The following AKR1C8 variants were observed in gnomAD, a reference collection of about 807,000 sequenced individuals.
AKR1C8 encodes aldo-keto reductase family 1 member C8, also known as aldo-keto reductase family 1 member C-like protein 1.
At chr10:5,156,438 C>T in the AKR1C8 span, among the ~76,000 whole-genome samples, 1 of 148,436 alleles carries the variant, frequency 6.7e-6, no homozygotes, top group Non-Finnish European at 1.5e-5. Context: ...ATGAGGAGCC[C>T]ATTAATAGTA....
chr10:5,161,684 G>A, the AKR1C8 span: 1 of 532,812 alleles, frequency 1.9e-6, no homozygotes, highest in South Asian at 1.4e-5. Context: ...CTTGATGGTA[G>A]AGTCACTCAA....
At chr10:5,141,202 C>T in the AKR1C8 span, among the ~76,000 whole-genome samples, 11 of 152,228 alleles carry the variant, frequency 7.2e-5, no homozygotes, top group Non-Finnish European at 1.2e-4. Context: ...CCAAGAACAA[C>T]TTTTTGTGCA....
At chr10:5,116,821 C>T in the AKR1C8 span, among the ~76,000 whole-genome samples, 1 of 152,164 alleles carries the variant, frequency 6.6e-6, no homozygotes, top group African/African-American at 2.4e-5. Flanking sequence ...GCGTATCATG[C>T]AGAACCATCT....
At chr10:5,120,456 G>A in the AKR1C8 span, among the ~76,000 whole-genome samples, 2 of 152,078 alleles carry the variant, frequency 1.3e-5, no homozygotes. Context: ...TTGTTATTCA[G>A]TAATAGTAGT....
the AKR1C8 span, chr10:5,161,898 G>A: frequency 1.9e-6 from 1 of 534,596 alleles, no homozygotes; most frequent in Non-Finnish European, 3.8e-6. Context: ...GATCTACATA[G>A]TCCGGTCCAA....
At chr10:5,125,209 T>G in the AKR1C8 span, among the ~76,000 whole-genome samples, 1 of 152,180 alleles carries the variant, frequency 6.6e-6, no homozygotes, top group African/African-American at 2.4e-5. Context: ...TTTTTTCATC[T>G]GCTGTTTATG....
At chr10:5,155,028 A>G in the AKR1C8 span, 4 of 152,162 alleles carry the variant, frequency 2.6e-5, no homozygotes, top group Non-Finnish European at 4.4e-5. Context: ...TAATCTCATA[A>G]TTCATTCACA....
At chr10:5,155,493 A>G in the AKR1C8 span, 242 of 289,282 alleles carry the variant, frequency 8.4e-4, no homozygotes, top group African/African-American at 4.5e-3. Context: ...TTACAGACAC[A>G]TTTCTGCTGG....
chr10:5,121,897 C>G, the AKR1C8 span, among the ~76,000 whole-genome samples: 3 of 152,100 alleles, frequency 2.0e-5, no homozygotes, highest in Non-Finnish European at 4.4e-5. Context: ...GTGTTACTTA[C>G]AGACCAACAT....
At chr10:5,121,837 G>A in the AKR1C8 span, among the ~76,000 whole-genome samples, 1 of 152,080 alleles carries the variant, frequency 6.6e-6, no homozygotes, top group Non-Finnish European at 1.5e-5. Flanking sequence ...CCCAGGCACA[G>A]GTAGTGAGGG....
At chr10:5,138,673 T>C in the AKR1C8 span, among the ~76,000 whole-genome samples, 2 of 151,460 alleles carry the variant, frequency 1.3e-5, no homozygotes, top group Admixed American at 6.6e-5. Flanking sequence ...AACTGATAAA[T>C]GTCCATTAAA....
the AKR1C8 span, among the ~76,000 whole-genome samples, chr10:5,167,565 A>G: frequency 6.6e-6 from 1 of 152,216 alleles, no homozygotes; most frequent in Admixed American, 6.5e-5. Context: ...GTTCTCACTC[A>G]TAGGTGGGAA....
chr10:5,175,264 T>G, the AKR1C8 span, among the ~76,000 whole-genome samples: 1 of 152,086 alleles, frequency 6.6e-6, no homozygotes, highest in Non-Finnish European at 1.5e-5. Flanking sequence ...CTGAGAATGA[T>G]GATTTCCAAT....
chr10:5,159,620 G>T, the AKR1C8 span, among the ~76,000 whole-genome samples: 1 of 151,926 alleles, frequency 6.6e-6, no homozygotes, highest in African/African-American at 2.4e-5. Context: ...TCTCCACCTG[G>T]ACCATCCCGA....
the AKR1C8 span, among the ~76,000 whole-genome samples, chr10:5,124,001 A>G: frequency 6.6e-6 from 1 of 152,168 alleles, no homozygotes; most frequent in Admixed American, 6.6e-5. Context: ...GCTGTTTCCT[A>G]AAAGTATACA....
At chr10:5,127,427 A>G in the AKR1C8 span, among the ~76,000 whole-genome samples, 5 of 152,148 alleles carry the variant, frequency 3.3e-5, no homozygotes, top group Non-Finnish European at 5.9e-5. Flanking sequence ...GACAATAAGA[A>G]AAAAGGATCA....
chr10:5,184,150 A>G, the AKR1C8 span, among the ~76,000 whole-genome samples: 1 of 152,154 alleles, frequency 6.6e-6, no homozygotes, highest in African/African-American at 2.4e-5. Flanking sequence ...AGGTCCCAGG[A>G]CAAGCTGAGT....
the AKR1C8 span, among the ~76,000 whole-genome samples, chr10:5,176,510 T>G: frequency 2.0e-5 from 3 of 150,830 alleles, no homozygotes; most frequent in Non-Finnish European, 4.4e-5. Context: ...TCCAATTCTG[T>G]GAAGAAAGTC....
chr10:5,165,227 C>T, the AKR1C8 span, among the ~76,000 whole-genome samples: 1 of 152,118 alleles, frequency 6.6e-6, no homozygotes, highest in East Asian at 1.9e-4. Context: ...CACCACTGCC[C>T]AATGAATTTT....
Sources: gnomAD v4.1 joint callset for allele counts (sites outside exome capture counted in the v4.1 genomes callset) on GRCh38, gnomAD v4.1.1 for gene constraint, MANE v1.5 for transcripts, NCBI Gene and HGNC (gene_info 2026-07-23, HGNC 2026-07-21) for gene names.